Variants in SCAF8 observed in about 807,000 individuals in gnomAD.
SCAF8 encodes SR-related and CTD-associated factor 8.
In SCAF8, 23 loss-of-function variants were observed where a neutral mutation model predicts 140.5. The ratio of observed to expected loss-of-function variants is 0.16; its 90% CI spans 0.12 to 0.23. SCAF8 has a LOEUF of 0.23. Among genes scored for constraint, SCAF8 ranks in the 10% least tolerant of loss-of-function variants. The probability of loss-of-function intolerance (pLI) is 1.00; values close to 1 mark genes in which losing one functional copy is unlikely to be tolerated. For synonymous variants in SCAF8, 575 were observed against 528.9 expected, an observed-to-expected ratio of 1.09 and a Z score of -1.20; for missense variants, 1,397 against 1,555.7, an observed-to-expected ratio of 0.90 and a Z score of 1.72.
In SCAF8 at chr6:154,820,336, A is replaced by G. The variant is rs1463584905; in HGVS notation, c.1792+3A>G. The stretch of plus-strand genomic sequence containing the variant: ...TGATCAGGAGACTGTAAATACTGGT[A>G]AGAATTCTAAGGTCTTTTTATTGTT... On this transcript the variant is annotated splice_donor_region_variant and intron_variant, in intron 15 of 19. Coordinates refer to ENST00000367178, the MANE Select transcript of SCAF8 (RefSeq NM_014892.5). 2.5e-6 allele frequency: 4 copies of G among 1,599,704 alleles called. No individual in the cohort carries two copies. Among genetic ancestry groups the G allele is most frequent in the South Asian group, 2.3e-5 (2 of 88,054 alleles).
chr6:154,820,502 A>G (rs1465087799), intron 15 of SCAF8, among the ~76,000 whole-genome samples, 169 bp downstream of exon 15: 3 of 152,236 alleles, frequency 2.0e-5, no homozygotes, highest in African/African-American at 7.2e-5. Context: ...GACCTATTTT[A>G]ATAGATGTCA....
chr6:154,825,701 G>A lies in SCAF8; in HGVS notation c.2071+1323G>A, dbSNP rs372059853. 1.9e-4 allele frequency among the ~76,000 whole-genome samples: 28 copies of A among 150,148 alleles called. 1 individual carries two copies. Among genetic ancestry groups the A allele is most frequent in the African/African-American group, 6.4e-4 (26 of 40,858 alleles). The stretch of plus-strand genomic sequence containing the variant: ...AGCTTTTATTATTAGACCATGGGAG[G>A]TTAGGTTAGAAGAATGATGGAGAGA... On this transcript the variant is annotated intron_variant, in intron 17 of 19. Transcript: ENST00000367178.
chr6:154,794,983 G>T, intron 5 of SCAF8, 26 bp from the exon 6 acceptor site: 1 of 1,561,308 alleles, frequency 6.4e-7, no homozygotes, highest in South Asian at 1.2e-5. Flanking sequence ...ATATTTATTT[G>T]GGGGGTGTGA....
Position 154,832,353 on chromosome 6 carries a change from A to T in SCAF8, c.2774A>T (p.Asp925Val), listed in dbSNP as rs753797438. Reference protein sequence around the residue: ...NQRMPTMPMLDIRPGLIPQAP... With the variant: ...NQRMPTMPMLVIRPGLIPQAP... ...AGGATGCCCACAATGCCAATGTTAG[A>T]CATTCGTCCGGGACTAATACCACAG... is the stretch of plus-strand genomic sequence containing the variant. Residue 925 changes from aspartate (D) to valine (V), a missense_variant, in exon 20 of 20, where the codon GAC becomes GTC. Physicochemically the swap from Asp to Val is radical, Grantham distance 152 (BLOSUM62 -3). Around this residue, in one of 5 missense-constraint regions of SCAF8, gnomAD observed 930 missense variants for 874.6 expected, o/e 1.06. Transcript: ENST00000367178. 1 of 1,613,980 alleles carries T rather than the reference A, an allele frequency of 6.2e-7. No homozygotes were observed. Among genetic ancestry groups the T allele is most frequent in the Non-Finnish European group, 8.5e-7 (1 of 1,179,984 alleles).
chr6:154,820,442 C>A, intron 15 of SCAF8, 109 bp downstream of exon 15: 1 of 854,266 alleles, frequency 1.2e-6, no homozygotes, highest in Admixed American at 3.0e-5. Context: ...ATTCATCTCC[C>A]AAAAAAGAGA....
intron 16 of SCAF8, 46 bp from the exon 17 acceptor site, chr6:154,824,188 C>G: frequency 6.3e-7 from 1 of 1,588,726 alleles, no homozygotes; most frequent in Non-Finnish European, 8.6e-7. Flanking sequence ...TTCCAAGATG[C>G]AGGTGAATAA....
Position 154,818,606 on chromosome 6 carries a change from G to T in SCAF8, c.1635+14G>T. The T allele has an allele frequency of 7.1e-7, 1 of 1,404,890 alleles. No homozygotes were observed. Among genetic ancestry groups the T allele is most frequent in the Non-Finnish European group, 1.0e-6 (1 of 1,000,942 alleles). The allele number at this position is 1,404,890 out of a possible 1,614,324, so 87.0% of individuals were successfully genotyped here. A position where few individuals can be genotyped will look rare whatever the true frequency, so the allele number is the denominator to read the frequency against. ...AAGGTCATTAAGGTGAGATTTGGTGGATTGGAACTTGGGGTAGGGGGGCAG... is the reference window on the plus strand; with the variant it reads ...AAGGTCATTAAGGTGAGATTTGGTGTATTGGAACTTGGGGTAGGGGGGCAG... On this transcript the variant is annotated intron_variant, in intron 14 of 19. Transcript: ENST00000367178.
intron 2 of SCAF8, 148 bp from the exon 3 acceptor site, chr6:154,777,853 G>C: frequency 1.6e-6 from 1 of 614,318 alleles, no homozygotes; most frequent in South Asian, 1.8e-5. Flanking sequence ...GCATATAAAG[G>C]TGAGTGACAA....
intron 1 of SCAF8, among the ~76,000 whole-genome samples, chr6:154,764,684 G>A (rs986283320): frequency 5.3e-5 from 8 of 152,054 alleles, no homozygotes; most frequent in African/African-American, 1.9e-4. Flanking sequence ...GAGAACACTG[G>A]GTAGCTGGAG....
Position 154,808,727 on chromosome 6 carries a change from G to C in SCAF8, c.1155G>C (p.Glu385Asp), listed in dbSNP as rs200836758. ...AAGGGCAAGATGGAGTGGAAGAGGA[G>C]GTCTTTGAACAAGAAGCTAAGAAAG... ...IDEGQDGVEE[E>D]VFEQEAKKVA... The change falls in exon 11 of 20, where the codon GAG becomes GAC. Residue 385 changes from glutamate (E) to aspartate (D), a missense_variant. Glu to Asp is a conservative substitution (Grantham distance 45). Around this residue, in one of 5 missense-constraint regions of SCAF8, gnomAD observed 339 missense variants for 407.5 expected, o/e 0.83. Coordinates refer to ENST00000367178, the MANE Select transcript of SCAF8 (RefSeq NM_014892.5). 4 of 1,613,806 alleles carry C rather than the reference G, an allele frequency of 2.5e-6. No individual in the cohort carries two copies. Among genetic ancestry groups the C allele is most frequent in the East Asian group, 4.5e-5 (2 of 44,866 alleles).
At chr6:154,815,346 A>T (rs939380138) in intron 12 of SCAF8, among the ~76,000 whole-genome samples, 1 of 152,162 alleles carries the variant, frequency 6.6e-6, no homozygotes, top group Non-Finnish European at 1.5e-5. Flanking sequence ...TTACGGTGAG[A>T]AGTGGGTTTG....
intron 1 of SCAF8, among the ~76,000 whole-genome samples, chr6:154,758,501 T>C (rs1779020915): frequency 6.6e-6 from 1 of 152,200 alleles, no homozygotes; most frequent in South Asian, 2.1e-4. Flanking sequence ...GTCTGTTTCA[T>C]GCAGGCGTAA....
chr6:154,786,260 C>G (rs1193631883), intron 3 of SCAF8, among the ~76,000 whole-genome samples: 1 of 152,212 alleles, frequency 6.6e-6, no homozygotes, highest in Admixed American at 6.5e-5. Context: ...GGTTTTCTTG[C>G]TGTCTTCTCT....
At chr6:154,817,512 CA>C (rs1778289317) in intron 13 of SCAF8, among the ~76,000 whole-genome samples, 1 of 152,040 alleles carries the variant, frequency 6.6e-6, no homozygotes, top group African/African-American at 2.4e-5. Flanking sequence ...TTCAGTTTGG[CA>C]TTTAGTAGGT....
intron 8 of SCAF8, among the ~76,000 whole-genome samples, chr6:154,804,882 A>G (rs1380807345): frequency 6.6e-6 from 1 of 152,162 alleles, no homozygotes; most frequent in East Asian, 1.9e-4. Context: ...CTCTGTTAAC[A>G]TACCTAATAA....
chr6:154,802,433 C>A (rs1317700755), intron 7 of SCAF8, among the ~76,000 whole-genome samples: 1 of 151,966 alleles, frequency 6.6e-6, no homozygotes, highest in Non-Finnish European at 1.5e-5. Flanking sequence ...ACCAGCCTGG[C>A]AAACATGGTG....
intron 1 of SCAF8, among the ~76,000 whole-genome samples, chr6:154,749,598 A>G (rs1010739211): frequency 2.6e-5 from 4 of 152,208 alleles, no homozygotes; most frequent in South Asian, 2.1e-4. Context: ...ACTGTGATGT[A>G]TACAGTAGAA....
At position 154,833,518 on chromosome 6, in the gene SCAF8, G is replaced by A; in HGVS notation, c.*123G>A. On this transcript the variant is annotated 3_prime_UTR_variant, in exon 20 of 20. Transcript: ENST00000367178. ...AGAATTAAGTTAATCTGATGTTCAT[G>A]TTCACCTTTCTCTTAAAATAATTGT... 1.1e-6 allele frequency: 1 copy of A among 885,468 alleles called. No individual in the cohort carries two copies. Among genetic ancestry groups the A allele is most frequent in the Non-Finnish European group, 1.7e-6 (1 of 582,602 alleles). The allele number at this position is 885,468 out of a possible 1,614,324, so 54.9% of individuals were successfully genotyped here. A position where few individuals can be genotyped will look rare whatever the true frequency, so the allele number is the denominator to read the frequency against.
In SCAF8 at chr6:154,827,132, T is replaced by G. The variant is rs578146650; in HGVS notation, c.2072-40T>G. 6 of 1,530,162 alleles carry G rather than the reference T, an allele frequency of 3.9e-6. No homozygotes were observed. In the African/African-American group the frequency reaches 5.6e-5, roughly 14 times the overall value. The allele number at this position is 1,530,162 out of a possible 1,614,324, so 94.8% of individuals were successfully genotyped here. ...GAATCTTTGATTTAAAATAAGTAAT[T>G]TTTCTTGTGCTATTTTTTGGGGTTT... On this transcript the variant is annotated intron_variant, in intron 17 of 19. Coordinates refer to ENST00000367178, the MANE Select transcript of SCAF8 (RefSeq NM_014892.5).
Sources: gnomAD v4.1 joint callset for allele counts (sites outside exome capture counted in the v4.1 genomes callset) on GRCh38, gnomAD v4.1.1 for gene constraint, gnomAD v4.1.1 regional missense constraint, MANE v1.5 for transcripts, NCBI Gene and HGNC (gene_info 2026-07-23, HGNC 2026-07-21) for gene names.